Variants in NUP54 observed in about 807,000 individuals in gnomAD.
NUP54 encodes the protein nucleoporin 54.
Under a neutral mutation model 66.4 loss-of-function variants are expected in NUP54, and 27 were observed. The observed-to-expected ratio is 0.41, with a 90% confidence interval of 0.30 to 0.56. The LOEUF is 0.56. Ranked by LOEUF, NUP54 falls within the 20% of genes least tolerant of loss-of-function variation. The pLI is 0.34. For synonymous variants in NUP54, 206 were observed against 210.7 expected (o/e 0.98, Z 0.19); for missense variants, 486 against 596.3 (o/e 0.82, Z 1.93).
Position 76,124,692 on chromosome 4 carries a change from T to C in NUP54, c.1121A>G (p.Gln374Arg), listed in dbSNP as rs922974674. ...NQTTSVAKIA[Q>R]YKRKLMDLSH... is the part of the protein sequence containing the mutation. ...AAGATCCATGAGTTTCCTCTTGTAT[T>C]GTGCAATTTTGGCTACAGATGTAGT... Residue 374 changes from glutamine (Q) to arginine (R), a missense_variant, in exon 9 of 12, where the codon CAA (glutamine) becomes CGA (arginine). Physicochemically the swap from Gln to Arg is conservative, Grantham distance 43 (BLOSUM62 1). This residue lies in a region of NUP54 where 217 missense variants were observed against 247.9 expected (regional missense o/e 0.88). Transcript: ENST00000264883. The C allele has an allele frequency of 8.1e-6, 13 of 1,607,510 alleles. No homozygotes were observed. Among genetic ancestry groups the C allele is most frequent in the Non-Finnish European group, 1.1e-5 (13 of 1,175,502 alleles).
rs1578702577 is a variant in NUP54 at position 76,148,335 on chromosome 4, T to C, written c.40A>G (p.Thr14Ala). Reference protein sequence around the residue: ...NFGAPSGTSGTAAATAAPAGG... With the variant: ...NFGAPSGTSGAAAATAAPAGG... ...GCGGGGGCCGCGGTGGCTGCAGCGG[T>C]ACCGGAGGTGCCCGAGGGAGCCCCA... Residue 14 changes from threonine (T) to alanine (A), a missense_variant, in exon 1 of 12, where the codon ACC (threonine) becomes GCC (alanine). Thr to Ala is a moderately conservative substitution (Grantham distance 58, BLOSUM62 0). Coordinates refer to ENST00000264883, the MANE Select transcript of NUP54 (RefSeq NM_017426.4). The C allele has an allele frequency of 6.5e-7, 1 of 1,543,818 alleles. No individual in the cohort carries two copies. The highest frequency in any genetic ancestry group is 1.4e-5 in the African/African-American group (1 of 71,978).
At chr4:76,125,865 G>GGAGGGAGAGAGA (rs1730515125) in intron 8 of NUP54, among the ~76,000 whole-genome samples, 1 of 90,046 alleles carries the variant, frequency 1.1e-5, no homozygotes, top group Admixed American at 1.2e-4. Context: ...GGAGGGGGAG[G>GGAGGGAGAGAGA]GAGAGAGAGA....
At chr4:76,121,080 C>A (rs111252749) in intron 9 of NUP54, among the ~76,000 whole-genome samples, 14 of 152,268 alleles carry the variant, frequency 9.2e-5, no homozygotes, top group African/African-American at 3.4e-4. Context: ...AAATCCCAGG[C>A]TGTACATACA....
chr4:76,126,912 A>G (rs1196668103), intron 8 of NUP54, among the ~76,000 whole-genome samples: 3 of 152,180 alleles, frequency 2.0e-5, no homozygotes, highest in Non-Finnish European at 4.4e-5. Flanking sequence ...AAGACCCAGA[A>G]AACTTTGAAA....
chr4:76,132,286 CTAT>C (rs1730835741), intron 6 of NUP54: 1 of 292,276 alleles, frequency 3.4e-6, no homozygotes, highest in African/African-American at 2.2e-5. Flanking sequence ...GGATTATGGA[CTAT>C]TTTTCTTCAG....
chr4:76,135,073 AAACT>A (rs1385805037), intron 4 of NUP54, among the ~76,000 whole-genome samples: 1 of 152,168 alleles, frequency 6.6e-6, no homozygotes, highest in Non-Finnish European at 1.5e-5. Context: ...ATGGAATCTT[AAACT>A]AAGTTTTAAA....
intron 1 of NUP54, 113 bp from the exon 2 acceptor site, chr4:76,144,586 A>C (rs1731407793): frequency 1.3e-6 from 1 of 777,548 alleles, no homozygotes; most frequent in African/African-American, 1.8e-5. Flanking sequence ...ATATTGATCT[A>C]ATTTTTCCTT....
Position 76,134,229 on chromosome 4 carries a change from C to T in NUP54, c.656G>A (p.Gly219Glu). The T allele has an allele frequency of 6.2e-7, 1 of 1,613,754 alleles. No individual in the cohort carries two copies. The highest frequency in any genetic ancestry group is 1.1e-5 in the South Asian group (1 of 91,058). ...LVESLHKVLG[G>E]NQTLTVNVEG... ...TACATTTACAGTAAGGGTCTGGTTTCCTCCCAAAACTTTATGCAATGATTC... is the reference window on the plus strand; with the variant it reads ...TACATTTACAGTAAGGGTCTGGTTTTCTCCCAAAACTTTATGCAATGATTC... Residue 219 changes from glycine to glutamate, a missense_variant, in exon 5 of 12, where the codon GGA (glycine) becomes GAA (glutamate). This residue lies in a region of NUP54 where 217 missense variants were observed against 247.9 expected (regional missense o/e 0.88). Transcript: ENST00000264883.
At chr4:76,125,051 A>T (rs1195214460) in intron 8 of NUP54, among the ~76,000 whole-genome samples, 1 of 152,128 alleles carries the variant, frequency 6.6e-6, no homozygotes, top group East Asian at 1.9e-4. Flanking sequence ...CCACTTTGGG[A>T]GGACGAGGCA....
At chr4:76,123,014 A>T (rs1730300582) in intron 9 of NUP54, among the ~76,000 whole-genome samples, 1 of 152,230 alleles carries the variant, frequency 6.6e-6, no homozygotes, top group Admixed American at 6.5e-5. Context: ...AGGCAAACCC[A>T]TATAGGCAAA....
At chr4:76,122,224 T>C (rs753444717) in intron 9 of NUP54, among the ~76,000 whole-genome samples, 4 of 152,242 alleles carry the variant, frequency 2.6e-5, no homozygotes, top group Non-Finnish European at 5.9e-5. Context: ...AATTGATAAA[T>C]AGCTGGATTC....
At chr4:76,147,789 G>C in intron 1 of NUP54, 2 of 464,462 alleles carry the variant, frequency 4.3e-6, no homozygotes, top group Non-Finnish European at 7.1e-6. Context: ...AGAAAGCAGA[G>C]TGGGGGTGGG....
intron 8 of NUP54, among the ~76,000 whole-genome samples, chr4:76,126,979 A>G (rs915113254): frequency 7.2e-5 from 11 of 152,180 alleles, no homozygotes; most frequent in African/African-American, 1.2e-4. Context: ...CTACAAAGCC[A>G]TAAGACTAAA....
chr4:76,125,670 GA>G (rs1560678965), intron 8 of NUP54, among the ~76,000 whole-genome samples: 3 of 30,894 alleles, frequency 9.7e-5, no homozygotes, highest in Admixed American at 5.4e-4. Context: ...GAGGGGGAGA[GA>G]GGGAGAGAGG....
rs1731033217 is a variant in NUP54 at position 76,136,230 on chromosome 4, G to A, written c.478C>T (p.Pro160Ser). Reference sequence around the variant, plus strand: ...TTTTCTTGTGTGAATTCCACTGGCGGAATATTATTGTTGAAATACCCTTTT... The same window carrying A: ...TTTTCTTGTGTGAATTCCACTGGCGAAATATTATTGTTGAAATACCCTTTT... Reference protein sequence around the residue: ...TGKGYFNNNIPPVEFTQENPF... With the variant: ...TGKGYFNNNISPVEFTQENPF... Residue 160 changes from proline to serine, a missense_variant, in exon 4 of 12, where the codon CCG becomes TCG. This residue lies in a region of NUP54 where 41 missense variants were observed against 82.7 expected (regional missense o/e 0.50). Coordinates refer to ENST00000264883, the MANE Select transcript of NUP54 (RefSeq NM_017426.4). The A allele has an allele frequency of 6.2e-7, 1 of 1,613,964 alleles. No homozygotes were observed. Among genetic ancestry groups the A allele is most frequent in the Non-Finnish European group, 8.5e-7 (1 of 1,179,940 alleles).
intron 3 of NUP54, 35 bp downstream of exon 3, chr4:76,144,114 G>A (rs753199839): frequency 1.2e-5 from 19 of 1,609,260 alleles, no homozygotes; most frequent in East Asian, 6.7e-5. Context: ...GTATCATCAC[G>A]GTTTTGTATT....
chr4:76,124,274 T>C (rs1165133946), intron 9 of NUP54, among the ~76,000 whole-genome samples: 5 of 152,166 alleles, frequency 3.3e-5, no homozygotes, highest in Non-Finnish European at 2.9e-5. Flanking sequence ...CTATTGTTTT[T>C]CGACCATTAT....
chr4:76,126,763 C>A (rs770552931), intron 8 of NUP54, among the ~76,000 whole-genome samples: 4 of 152,162 alleles, frequency 2.6e-5, no homozygotes, highest in Non-Finnish European at 5.9e-5. Flanking sequence ...AAGAGACATA[C>A]CACATTCATG....
intron 3 of NUP54, 132 bp from the exon 4 acceptor site, chr4:76,136,544 G>T: frequency 1.6e-6 from 1 of 634,832 alleles, no homozygotes; most frequent in South Asian, 2.0e-5. Context: ...CTATAAATAT[G>T]TTATCTTACA....
Sources: allele counts gnomAD v4.1 joint callset (sites outside exome capture counted in the v4.1 genomes callset), GRCh38; gene constraint gnomAD v4.1.1; regional missense constraint gnomAD v4.1.1; transcripts MANE v1.5; gene names NCBI Gene and HGNC (gene_info 2026-07-23, HGNC 2026-07-21).